The following PATJ variants were observed in gnomAD, a reference collection of about 807,000 sequenced individuals.
PATJ encodes inaD-like protein.
A neutral mutation model predicts 224.9 loss-of-function variants in PATJ; 190 were observed. The ratio of observed to expected loss-of-function variants is 0.84; its 90% CI spans 0.75 to 0.95. The LOEUF (loss-of-function observed/expected upper bound fraction) is 0.95, where lower values mean the gene tolerates loss of function less well. Among genes scored for constraint, PATJ ranks in the 40% least tolerant of loss-of-function variants. The pLI, the probability that PATJ is intolerant of heterozygous loss-of-function variation, is 0.00. For missense variants in PATJ, 2,121 were observed against 2,270.3 expected (o/e 0.93, Z 1.34); for synonymous variants, 769 against 820.3 (o/e 0.94, Z 1.07).
intron 14 of PATJ, chr1:61,816,639 G>A (rs1656162298): frequency 6.6e-6 from 1 of 151,988 alleles, no homozygotes; most frequent in Admixed American, 6.6e-5. Flanking sequence ...TAATATATGG[G>A]CAAGACGTAC....
chr1:61,760,619 C>CTTTT (rs200693394), intron 1 of PATJ, among the ~76,000 whole-genome samples: 1 of 135,478 alleles, frequency 7.4e-6, no homozygotes, highest in African/African-American at 2.7e-5. Flanking sequence ...TTTTCTTTTT[C>CTTTT]TTTTTTTTTT....
chr1:62,028,366 C>A (rs1321595070), intron 29 of PATJ, among the ~76,000 whole-genome samples: 1 of 152,130 alleles, frequency 6.6e-6, no homozygotes, highest in Non-Finnish European at 1.5e-5. Flanking sequence ...ATCAGTGTAA[C>A]CTTCATCCAG....
At chr1:61,899,805 G>T (rs912279370) in intron 23 of PATJ, 151 bp downstream of exon 23, 11 of 516,842 alleles carry the variant, frequency 2.1e-5, no homozygotes, top group Non-Finnish European at 3.4e-5. Context: ...GTTTCATTTT[G>T]TCTTATCTAG....
chr1:61,801,824 TTC>T, intron 12 of PATJ, 55 bp downstream of exon 12: 1 of 1,302,550 alleles, frequency 7.7e-7, no homozygotes, highest in Non-Finnish European at 1.0e-6. Flanking sequence ...GTTAACCATT[TTC>T]TGTCTTTATA....
chr1:61,895,420 C>G (rs1251829410), intron 22 of PATJ, among the ~76,000 whole-genome samples: 1 of 152,224 alleles, frequency 6.6e-6, no homozygotes, highest in Non-Finnish European at 1.5e-5. Flanking sequence ...CAAGGCCCTG[C>G]TACTCTCTGC....
intron 28 of PATJ, among the ~76,000 whole-genome samples, chr1:62,010,784 A>C (rs879506426): frequency 6.6e-6 from 1 of 152,202 alleles, no homozygotes; most frequent in Non-Finnish European, 1.5e-5. Flanking sequence ...TCATGGCTGA[A>C]GGGGAAGCAA....
At chr1:61,748,731 G>A (rs1645162315) in intron 1 of PATJ, among the ~76,000 whole-genome samples, 1 of 151,862 alleles carries the variant, frequency 6.6e-6, no homozygotes, top group South Asian at 2.1e-4. Flanking sequence ...CATGATCATG[G>A]TTCACTAGCC....
intron 30 of PATJ, among the ~76,000 whole-genome samples, chr1:62,048,153 A>G (rs559593980): frequency 1.3e-5 from 2 of 152,344 alleles, no homozygotes; most frequent in South Asian, 4.1e-4. Context: ...ACATTCCCCT[A>G]GCAGGTTATT....
At chr1:61,869,666 G>T (rs926464195) in intron 20 of PATJ, among the ~76,000 whole-genome samples, 2 of 152,190 alleles carry the variant, frequency 1.3e-5, no homozygotes, top group African/African-American at 4.8e-5. Context: ...TGGGACTTGT[G>T]ACAGAGGTGC....
In PATJ at chr1:61,773,012, T is replaced by C. The variant is rs575985164; in HGVS notation, c.720+1386T>C. On this transcript the variant is annotated intron_variant, in intron 6 of 43. Transcript: ENST00000642238. ...AGTAGATGTTCTAGACATGAATTTA[T>C]TAAACAATCCCAATATTGCTTTTTT... Among the ~76,000 whole-genome samples the C allele has an allele frequency of 9.6e-4, 146 of 152,304 alleles. No homozygotes were observed. In the Middle Eastern group the frequency reaches 0.017, roughly 18 times the overall value.
intron 41 of PATJ, among the ~76,000 whole-genome samples, chr1:62,145,488 A>G (rs1485731840): frequency 6.6e-6 from 1 of 151,924 alleles, no homozygotes; most frequent in African/African-American, 2.4e-5. Context: ...ACAGTGAGAC[A>G]CTGTCGCTAC....
chr1:62,092,204 C>A (rs531045411), intron 33 of PATJ, among the ~76,000 whole-genome samples: 212 of 151,138 alleles, frequency 1.4e-3, no homozygotes, highest in Non-Finnish European at 2.6e-3. Context: ...ATGGCAAGAC[C>A]CCTGTCTCAA....
chr1:61,969,605 T>G (rs1682658212), intron 27 of PATJ, among the ~76,000 whole-genome samples: 1 of 152,244 alleles, frequency 6.6e-6, no homozygotes. Context: ...TCTTTATATA[T>G]TCTAGATATT....
intron 30 of PATJ, chr1:62,039,253 A>G: frequency 2.9e-6 from 1 of 342,168 alleles, no homozygotes; most frequent in South Asian, 3.0e-5. Context: ...TTAAGAGTAA[A>G]TTGCTTTTTA....
At chr1:62,157,061 C>T (rs980641900) in intron 43 of PATJ, among the ~76,000 whole-genome samples, 1 of 152,046 alleles carries the variant, frequency 6.6e-6, no homozygotes, top group Non-Finnish European at 1.5e-5. Context: ...CGGTGGCTCA[C>T]GCCTGTAATC....
intron 7 of PATJ, among the ~76,000 whole-genome samples, chr1:61,782,341 ATGC>A (rs975784917): frequency 3.3e-5 from 5 of 152,150 alleles, no homozygotes; most frequent in African/African-American, 1.2e-4. Context: ...AGTTCCCAAA[ATGC>A]TTATAACCCA....
chr1:61,854,254 G>C (rs953763382), intron 17 of PATJ, among the ~76,000 whole-genome samples: 1 of 152,196 alleles, frequency 6.6e-6, no homozygotes, highest in African/African-American at 2.4e-5. Flanking sequence ...GGTTTTAAGA[G>C]AGGCTAGAGT....
At chr1:61,783,116 A>C (rs1440698430) in intron 7 of PATJ, among the ~76,000 whole-genome samples, 1 of 152,196 alleles carries the variant, frequency 6.6e-6, no homozygotes, top group East Asian at 1.9e-4. Context: ...GCCCAGCTTG[A>C]GGTCACTAAA....
At chr1:61,755,543 T>TA (rs999380120) in intron 1 of PATJ, among the ~76,000 whole-genome samples, 2 of 152,156 alleles carry the variant, frequency 1.3e-5, no homozygotes, top group Non-Finnish European at 2.9e-5. Context: ...AATTACATTT[T>TA]AAAAATAGAA....
Sources: gnomAD v4.1 joint callset for allele counts (sites outside exome capture counted in the v4.1 genomes callset) on GRCh38, gnomAD v4.1.1 for gene constraint, MANE v1.5 for transcripts, NCBI Gene and HGNC (gene_info 2026-07-23, HGNC 2026-07-21) for gene names.